The following SLC44A1 variants were observed in gnomAD, a reference collection of about 807,000 sequenced individuals.
The protein encoded by SLC44A1 is solute carrier family 44 member 1, also known as choline transporter-like protein 1.
A neutral mutation model predicts 79.3 loss-of-function variants in SLC44A1; 26 were observed. The ratio of observed to expected loss-of-function variants is 0.33; its 90% confidence interval spans 0.24 to 0.46. The LOEUF is 0.46. Among genes scored for constraint, SLC44A1 ranks in the 20% least tolerant of loss-of-function variants. The probability of loss-of-function intolerance (pLI) is 1.00; values close to 1 mark genes in which losing one functional copy is unlikely to be tolerated. For synonymous variants in SLC44A1, 263 were observed against 286.2 expected, an observed-to-expected ratio of 0.92 and a Z score of 0.82; for missense variants, 688 against 798.1, an observed-to-expected ratio of 0.86 and a Z score of 1.66.
rs1378761655 is a variant in SLC44A1, at chr9:105,304,970, T to G, written c.127-4754T>G. Among the ~76,000 whole-genome samples the G allele has an allele frequency of 2.0e-3, 234 of 116,590 alleles. 3 individuals carry two copies. The highest frequency in any genetic ancestry group is 3.2e-3 in the Non-Finnish European group (179 of 56,216). 76.5% of individuals were successfully genotyped at this position (116,590 alleles called of 152,430 possible). A position where few individuals can be genotyped will look rare whatever the true frequency, so the allele number is the denominator to read the frequency against. On this transcript the variant is annotated intron_variant, in intron 2 of 15. Coordinates refer to ENST00000374720, the MANE Select transcript of SLC44A1 (RefSeq NM_080546.5). ...TTTTTTTTTTTTTTTTTTTTTTTTT[T>G]TTTTTTTTTTTTTTTTCAGAGTCAA... is the stretch of plus-strand genomic sequence containing the variant.
intron 15 of SLC44A1, among the ~76,000 whole-genome samples, chr9:105,388,591 C>T (rs1020945977): frequency 2.0e-5 from 3 of 152,106 alleles, no homozygotes; most frequent in South Asian, 2.1e-4. Context: ...TGAGAACTTC[C>T]GGTTTTGTTC....
At chr9:105,324,750 A>G (rs1427476583) in intron 3 of SLC44A1, among the ~76,000 whole-genome samples, 1 of 152,252 alleles carries the variant, frequency 6.6e-6, no homozygotes, top group Non-Finnish European at 1.5e-5. Flanking sequence ...CAGGCACATG[A>G]AAAGATAGCC....
intron 15 of SLC44A1, among the ~76,000 whole-genome samples, chr9:105,419,165 T>G (rs1253509033): frequency 6.6e-6 from 1 of 152,034 alleles, no homozygotes; most frequent in Non-Finnish European, 1.5e-5. Flanking sequence ...TAGAAAAAAA[T>G]GCGAGTTTGC....
At chr9:105,313,313 G>C (rs1040981913) in intron 3 of SLC44A1, among the ~76,000 whole-genome samples, 1 of 152,142 alleles carries the variant, frequency 6.6e-6, no homozygotes, top group East Asian at 1.9e-4. Context: ...TGTATTAATT[G>C]GCAGTTGCTA....
chr9:105,256,468 TATGAGAC>T (rs1406151883), intron 1 of SLC44A1, among the ~76,000 whole-genome samples: 28 of 152,262 alleles, frequency 1.8e-4, no homozygotes, highest in Admixed American at 5.2e-4. Context: ...TCAGGGCTAA[TATGAGAC>T]TCCTCGTTTA....
At position 105,313,229 on chromosome 9, in the gene SLC44A1, C is replaced by T. The variant is rs80217367; in HGVS notation, c.269+3363C>T. Reference sequence around the variant, plus strand: ...CTTTCCTTTAATTTGATTACCTGAACGTCCCTATATTATACTTGTTATTCT... The same window carrying T: ...CTTTCCTTTAATTTGATTACCTGAATGTCCCTATATTATACTTGTTATTCT... On this transcript the variant is annotated intron_variant, in intron 3 of 15. Coordinates refer to ENST00000374720, the MANE Select transcript of SLC44A1 (RefSeq NM_080546.5). Among the ~76,000 whole-genome samples the T allele has an allele frequency of 9.2e-3, 1,400 of 152,288 alleles. 24 individuals are homozygous for T. The highest frequency in any genetic ancestry group is 0.032 in the African/African-American group (1,341 of 41,544).
intron 15 of SLC44A1, among the ~76,000 whole-genome samples, chr9:105,408,891 A>C (rs1444848147): frequency 6.6e-6 from 1 of 152,222 alleles, no homozygotes; most frequent in Non-Finnish European, 1.5e-5. Context: ...AATTGGTATT[A>C]ATTCAAACTA....
intron 3 of SLC44A1, among the ~76,000 whole-genome samples, chr9:105,314,601 G>C (rs71494515): frequency 0.069 from 10,537 of 152,048 alleles, 886 homozygotes; most frequent in African/African-American, 0.21. Flanking sequence ...TCCAAGGAAG[G>C]CATTTAAAGT....
intron 1 of SLC44A1, among the ~76,000 whole-genome samples, chr9:105,275,107 T>G (rs1230509626): frequency 6.6e-6 from 1 of 152,192 alleles, no homozygotes; most frequent in East Asian, 1.9e-4. Flanking sequence ...AATAATAAAT[T>G]TTTTTCTTCA....
intron 15 of SLC44A1, among the ~76,000 whole-genome samples, chr9:105,410,428 A>C (rs1033434733): frequency 2.0e-5 from 3 of 152,324 alleles, no homozygotes; most frequent in Admixed American, 6.5e-5. Context: ...TTGAAGAGCT[A>C]TTTCTTCAAA....
chr9:105,435,725 G>A (rs1387188508), intron 15 of SLC44A1, among the ~76,000 whole-genome samples: 1 of 152,178 alleles, frequency 6.6e-6, no homozygotes, highest in African/African-American at 2.4e-5. Context: ...AGCCTGTTGA[G>A]AGGACCTTAC....
At chr9:105,332,887 T>TTA (rs1826796358) in intron 3 of SLC44A1, among the ~76,000 whole-genome samples, 1 of 152,198 alleles carries the variant, frequency 6.6e-6, no homozygotes, top group Non-Finnish European at 1.5e-5. Flanking sequence ...GTTAGGTGCT[T>TTA]TATATATATT....
chr9:105,324,503 T>C (rs1826509489), intron 3 of SLC44A1, among the ~76,000 whole-genome samples: 1 of 152,150 alleles, frequency 6.6e-6, no homozygotes, highest in South Asian at 2.1e-4. Context: ...TCCACCTGCC[T>C]CGGCCTCCCA....
At chr9:105,288,417 C>T (rs1017088784) in intron 1 of SLC44A1, among the ~76,000 whole-genome samples, 1 of 152,110 alleles carries the variant, frequency 6.6e-6, no homozygotes, top group Non-Finnish European at 1.5e-5. Flanking sequence ...GGCATGATTA[C>T]GGCCCACTGC....
intron 8 of SLC44A1, among the ~76,000 whole-genome samples, 161 bp from the exon 9 acceptor site, chr9:105,362,660 A>G (rs533030362): frequency 3.9e-5 from 6 of 152,350 alleles, no homozygotes; most frequent in Admixed American, 6.5e-5. Context: ...AAAATTGACA[A>G]TAAATATTGC....
At chr9:105,291,510 G>T (rs1830601482) in intron 1 of SLC44A1, among the ~76,000 whole-genome samples, 2 of 152,196 alleles carry the variant, frequency 1.3e-5, no homozygotes, top group Non-Finnish European at 2.9e-5. Flanking sequence ...GGAACTGTGG[G>T]ATTGTTTTGG....
chr9:105,254,062 T>TA (rs530516868), intron 1 of SLC44A1, among the ~76,000 whole-genome samples: 16 of 151,914 alleles, frequency 1.1e-4, no homozygotes, highest in African/African-American at 3.4e-4. Flanking sequence ...ATAATAATAA[T>TA]AAAAAAAACC....
intron 3 of SLC44A1, among the ~76,000 whole-genome samples, chr9:105,315,011 A>C (rs1194846030): frequency 6.6e-6 from 1 of 152,214 alleles, no homozygotes; most frequent in Non-Finnish European, 1.5e-5. Context: ...CATACACTAA[A>C]ATAGATCTGG....
In SLC44A1 at chr9:105,390,242, G is replaced by A; in HGVS notation, c.*1186G>A. 1 of 1,079,908 alleles carries A rather than the reference G, an allele frequency of 9.3e-7. No individual in the cohort carries two copies. Among genetic ancestry groups the A allele is most frequent in the East Asian group, 6.1e-5 (1 of 16,464 alleles). The allele number at this position is 1,079,908 out of a possible 1,614,324, so 66.9% of individuals were successfully genotyped here. On this transcript the variant is annotated 3_prime_UTR_variant, in exon 16 of 16. Transcript: ENST00000374720. Reference sequence around the variant, plus strand: ...AGATATGAATGGCTAATACTCCATTGTTCTGCTTGTTGTAATGGTGAATGC... The same window carrying A: ...AGATATGAATGGCTAATACTCCATTATTCTGCTTGTTGTAATGGTGAATGC...
Sources: gnomAD v4.1 joint callset for allele counts (sites outside exome capture counted in the v4.1 genomes callset) on GRCh38, gnomAD v4.1.1 for gene constraint, MANE v1.5 for transcripts, NCBI Gene and HGNC (gene_info 2026-07-23, HGNC 2026-07-21) for gene names.